Variants in POU6F2 observed in about 807,000 individuals in gnomAD.
POU6F2 encodes the protein POU domain, class 6, transcription factor 2.
A neutral mutation model predicts 71.3 loss-of-function variants in POU6F2; 31 were observed. The observed-to-expected ratio is 0.43, with a 90% CI of 0.33 to 0.59. The LOEUF (loss-of-function observed/expected upper bound fraction) is 0.59, where lower values mean the gene tolerates loss of function less well. POU6F2 is among the 20% of genes least tolerant of loss of function. The probability of loss-of-function intolerance (pLI) is 0.04; values close to 1 mark genes in which losing one functional copy is unlikely to be tolerated. For missense variants in POU6F2, 783 were observed against 856.8 expected (o/e 0.91, Z 1.07); for synonymous variants, 347 against 355.7 (o/e 0.98, Z 0.27).
At chr7:39,459,967 C>A (rs1252786572) in intron 8 of POU6F2, among the ~76,000 whole-genome samples, 1 of 152,100 alleles carries the variant, frequency 6.6e-6, no homozygotes, top group African/African-American at 2.4e-5. Context: ...AAGACAATAT[C>A]ATTCTCGCAG....
At chr7:39,273,376 T>A (rs1178807354) in intron 4 of POU6F2, among the ~76,000 whole-genome samples, 1 of 152,200 alleles carries the variant, frequency 6.6e-6, no homozygotes, top group Non-Finnish European at 1.5e-5. Flanking sequence ...TCTGATAGGA[T>A]GTGATGAGAC....
At chr7:39,296,708 A>G (rs1284014189) in intron 4 of POU6F2, among the ~76,000 whole-genome samples, 2 of 152,178 alleles carry the variant, frequency 1.3e-5, no homozygotes, top group Non-Finnish European at 2.9e-5. Flanking sequence ...GTGCCACCCC[A>G]GAGGGGAACA....
intron 1 of POU6F2, among the ~76,000 whole-genome samples, chr7:39,028,930 G>A (rs1274999081): frequency 6.6e-6 from 1 of 151,992 alleles, no homozygotes; most frequent in Non-Finnish European, 1.5e-5. Context: ...TCAGCCTCCT[G>A]AGTAGGGATA....
chr7:39,452,814 C>T (rs545720265), intron 8 of POU6F2, among the ~76,000 whole-genome samples: 36 of 152,286 alleles, frequency 2.4e-4, no homozygotes, highest in Admixed American at 2.1e-3. Context: ...CCAGGTAGGC[C>T]GGGCACAGTG....
chr7:39,052,434 G>A (rs1790417514), intron 1 of POU6F2, among the ~76,000 whole-genome samples: 1 of 152,106 alleles, frequency 6.6e-6, no homozygotes, highest in Non-Finnish European at 1.5e-5. Flanking sequence ...CATGGCAGAA[G>A]ACACCTCTTC....
chr7:38,999,147 T>C (rs1788827773), intron 1 of POU6F2, among the ~76,000 whole-genome samples: 2 of 152,184 alleles, frequency 1.3e-5, no homozygotes, highest in South Asian at 4.1e-4. Flanking sequence ...GCATCTCCCC[T>C]ATACAGGCTT....
intron 5 of POU6F2, among the ~76,000 whole-genome samples, chr7:39,351,051 A>G (rs1359919325): frequency 6.6e-6 from 1 of 152,202 alleles, no homozygotes; most frequent in Non-Finnish European, 1.5e-5. Context: ...AAGGATTCTA[A>G]TGGAACCGCG....
chr7:39,318,520 C>T (rs992658563), intron 4 of POU6F2, among the ~76,000 whole-genome samples: 1 of 152,140 alleles, frequency 6.6e-6, no homozygotes, highest in Admixed American at 6.5e-5. Flanking sequence ...CCTAGACTCA[C>T]AAAGACAACA....
intron 1 of POU6F2, chr7:39,013,075 T>G (rs1429079974): frequency 1.3e-5 from 2 of 152,372 alleles, no homozygotes; most frequent in Non-Finnish European, 2.9e-5. Flanking sequence ...GCTTCCCGGC[T>G]GCTTTGTTTA....
chr7:39,002,787 A>G (rs1252838514), intron 1 of POU6F2, among the ~76,000 whole-genome samples: 1 of 152,146 alleles, frequency 6.6e-6, no homozygotes, highest in Non-Finnish European at 1.5e-5. Flanking sequence ...GGAATTTTTG[A>G]ATTTTTTCTG....
intron 1 of POU6F2, among the ~76,000 whole-genome samples, chr7:38,999,931 C>T (rs1283986978): frequency 6.6e-6 from 1 of 152,148 alleles, no homozygotes; most frequent in Non-Finnish European, 1.5e-5. Context: ...CTGTCTCATG[C>T]CACCAAAGAT....
chr7:39,245,314 G>A (rs1783802147), intron 4 of POU6F2, among the ~76,000 whole-genome samples: 1 of 152,138 alleles, frequency 6.6e-6, no homozygotes, highest in Admixed American at 6.5e-5. Context: ...GTACTGACTA[G>A]TTCTCCTCTA....
intron 1 of POU6F2, among the ~76,000 whole-genome samples, chr7:39,033,264 C>T (rs1156304362): frequency 1.3e-5 from 2 of 152,210 alleles, no homozygotes; most frequent in African/African-American, 4.8e-5. Flanking sequence ...TAGTTAGGAA[C>T]ATATATGTGC....
intron 1 of POU6F2, among the ~76,000 whole-genome samples, chr7:39,022,282 T>C (rs17171521): frequency 0.2 from 30,932 of 152,024 alleles, 3,447 homozygotes; most frequent in South Asian, 0.35. Context: ...AAATGCCTTC[T>C]CAAAATTCAC....
At position 39,146,386 on chromosome 7, in the gene POU6F2, G is replaced by A. The variant is rs138000621; in HGVS notation, c.278-57849G>A. 1.9e-3 allele frequency among the ~76,000 whole-genome samples: 297 copies of A among 152,310 alleles called. 1 individual carries two copies. The highest frequency in any genetic ancestry group is 7.0e-3 in the African/African-American group (290 of 41,556). ...GGTGAGGAACTAGGCCAGAGGGTAG[G>A]TGGGGCAGCTCAGGAAACCTCTTTG... On this transcript the variant is annotated intron_variant, in intron 2 of 9. Coordinates refer to ENST00000518318, the MANE Select transcript of POU6F2 (RefSeq NM_001370959.1).
intron 5 of POU6F2, among the ~76,000 whole-genome samples, chr7:39,348,793 AAGATAGATGGGT>A (rs1248098659): frequency 1.3e-5 from 2 of 152,218 alleles, no homozygotes; most frequent in Non-Finnish European, 1.5e-5. Context: ...GGCAGGTAGA[AAGATAGATGGGT>A]AGATAGAAGT....
At chr7:39,008,934 T>C (rs1235985836) in intron 1 of POU6F2, among the ~76,000 whole-genome samples, 11 of 151,692 alleles carry the variant, frequency 7.3e-5, no homozygotes, top group Non-Finnish European at 1.3e-4. Flanking sequence ...AGCCTTGTAG[T>C]ATAGTTTGAA....
At chr7:39,064,400 C>T (rs1584524209) in intron 1 of POU6F2, among the ~76,000 whole-genome samples, 2 of 151,654 alleles carry the variant, frequency 1.3e-5, no homozygotes, top group African/African-American at 2.4e-5. Flanking sequence ...GTAGTTACCA[C>T]TTGAAGAGCT....
At chr7:39,247,195 A>G (rs750346953) in intron 4 of POU6F2, among the ~76,000 whole-genome samples, 3 of 152,116 alleles carry the variant, frequency 2.0e-5, no homozygotes, top group African/African-American at 7.2e-5. Flanking sequence ...GAGGCCAAGC[A>G]TGGTGTATCA....
Sources: allele counts gnomAD v4.1 joint callset (sites outside exome capture counted in the v4.1 genomes callset), GRCh38; gene constraint gnomAD v4.1.1; transcripts MANE v1.5; gene names NCBI Gene and HGNC (gene_info 2026-07-23, HGNC 2026-07-21).